Variants in STOX2 observed in about 807,000 individuals in gnomAD.
STOX2 encodes the protein storkhead box 2.
STOX2 carries 28 observed loss-of-function variants against 60.9 expected under a neutral mutation model. The observed-to-expected ratio is 0.46, with a 90% CI of 0.34 to 0.63. STOX2 has a LOEUF of 0.63. Among genes scored for constraint, STOX2 ranks in the 30% least tolerant of loss-of-function variants. STOX2 has a pLI of 0.01. For synonymous variants in STOX2, 472 were observed against 463.9 expected, an observed-to-expected ratio of 1.02 and a Z score of -0.22; for missense variants, 1,024 against 1,187.7, an observed-to-expected ratio of 0.86 and a Z score of 2.03.
intron 1 of STOX2, among the ~76,000 whole-genome samples, chr4:183,928,808 G>GA (rs1265289742): frequency 7.3e-5 from 11 of 149,840 alleles, no homozygotes; most frequent in African/African-American, 2.7e-4. Flanking sequence ...TCCATCTCAG[G>GA]AAAAAACAAA....
At chr4:183,995,953 G>C (rs1039011333) in intron 1 of STOX2, among the ~76,000 whole-genome samples, 2 of 152,054 alleles carry the variant, frequency 1.3e-5, no homozygotes, top group African/African-American at 4.8e-5. Context: ...TCATCCACCC[G>C]GCTACTCTTT....
At position 183,857,814 on chromosome 4, in the gene STOX2, G is replaced by A. The variant is rs140316296; in HGVS notation, c.364+59759G>A. Among the ~76,000 whole-genome samples, 417 of 152,128 alleles carry A rather than the reference G, an allele frequency of 2.7e-3. 1 individual carries two copies. Among genetic ancestry groups the A allele is most frequent in the African/African-American group, 9.5e-3 (393 of 41,490 alleles). On this transcript the variant is annotated intron_variant, in intron 1 of 2. Coordinates refer to the STOX2 transcript ENST00000513034. ...CCTTGTTTGCATCGATGCTGTTGGC[G>A]GCACAGCTCCCTCCCATGCCTCTGA...
In STOX2 at chr4:184,009,421, C is replaced by T. The variant is rs1337485615; in HGVS notation, c.583C>T (p.His195Tyr). ...CAGGGAAAGGACATTGCCCCGAAAC[C>T]ACTGCGACTCTTGCCACTGCTGCAG... ...CVRERTLPRN[H>Y]CDSCHCCRED... The change falls in exon 3 of 4, where the codon CAC becomes TAC. Residue 195 changes from histidine (H) to tyrosine (Y), a missense_variant. By Grantham distance (83) the His-to-Tyr change is moderately conservative (BLOSUM62 2). Coordinates refer to ENST00000308497, the MANE Select transcript of STOX2 (RefSeq NM_020225.3). The surrounding 1 kb of genome is among the most constrained non-coding windows in gnomAD (Gnocchi z 4.0). 1 of 1,613,922 alleles carries T rather than the reference C, an allele frequency of 6.2e-7. No individual in the cohort carries two copies. Among genetic ancestry groups the T allele is most frequent in the African/African-American group, 1.3e-5 (1 of 74,932 alleles).
At chr4:183,819,560 G>GAA (rs1739255808) in intron 1 of STOX2, among the ~76,000 whole-genome samples, 1 of 139,668 alleles carries the variant, frequency 7.2e-6, no homozygotes, top group African/African-American at 2.7e-5. Context: ...GGAGACTGTG[G>GAA]GGAGAGGGAG....
intron 1 of STOX2, chr4:183,798,728 G>A (rs1290564940): frequency 5.1e-6 from 5 of 985,340 alleles, no homozygotes; most frequent in Non-Finnish European, 6.0e-6. Flanking sequence ...CTCAACAAAA[G>A]AGAGCAAAAC....
upstream of STOX2, among the ~76,000 whole-genome samples, chr4:183,904,412 T>G (rs1741533911): frequency 6.6e-6 from 1 of 152,236 alleles, no homozygotes. Flanking sequence ...TTCTTAGCAG[T>G]TCTCTTACAG....
At chr4:183,837,932 G>T (rs1739755905) in intron 1 of STOX2, among the ~76,000 whole-genome samples, 1 of 151,996 alleles carries the variant, frequency 6.6e-6, no homozygotes, top group African/African-American at 2.4e-5. Context: ...TGCAGATGTG[G>T]GTGTCTGTTC....
At chr4:183,878,853 C>T (rs1740890337) in intron 1 of STOX2, among the ~76,000 whole-genome samples, 1 of 151,642 alleles carries the variant, frequency 6.6e-6, no homozygotes, top group African/African-American at 2.4e-5. Flanking sequence ...CTGAGTTTTT[C>T]TATTTTGTTT....
intron 1 of STOX2, among the ~76,000 whole-genome samples, chr4:183,943,422 G>C (rs554093068): frequency 7.4e-4 from 112 of 152,142 alleles, no homozygotes; most frequent in African/African-American, 2.4e-3. Context: ...ATTTTCCACA[G>C]AGAAACAAAA....
At chr4:183,986,218 TG>T (rs530891903) in intron 1 of STOX2, among the ~76,000 whole-genome samples, 1 of 152,240 alleles carries the variant, frequency 6.6e-6, no homozygotes, top group South Asian at 2.1e-4. Context: ...CAAACATGTA[TG>T]TTTTCATCTG....
chr4:183,802,986 G>T lies in STOX2; in HGVS notation c.364+4931G>T, dbSNP rs28382269. On this transcript the variant is annotated intron_variant, in intron 1 of 2. Transcript: ENST00000513034. ...GAGACTGGGCAATTTACAAAGGAAA[G>T]AAGTTTAATGGAGAACTCACAGTTT... is the stretch of plus-strand genomic sequence containing the variant. Among the ~76,000 whole-genome samples the T allele has an allele frequency of 8.1e-3, 1,229 of 152,316 alleles. 14 individuals are homozygous for T. The highest frequency in any genetic ancestry group is 0.028 in the African/African-American group (1,180 of 41,566).
At chr4:184,002,472 G>A (rs762663966) in intron 2 of STOX2, among the ~76,000 whole-genome samples, 2 of 152,328 alleles carry the variant, frequency 1.3e-5, no homozygotes, top group East Asian at 1.9e-4. Context: ...AAAGGCCTAC[G>A]GCAACAAGAG....
intron 1 of STOX2, among the ~76,000 whole-genome samples, chr4:183,938,669 C>CAAA (rs10577405): frequency 7.3e-5 from 6 of 82,480 alleles, no homozygotes; most frequent in South Asian, 4.1e-4. Flanking sequence ...ACTCCGTCTC[C>CAAA]AAAAAAAAAA....
chr4:183,896,406 A>C (rs192864175), intron 1 of STOX2, among the ~76,000 whole-genome samples: 1 of 152,174 alleles, frequency 6.6e-6, no homozygotes, highest in East Asian at 1.9e-4. Flanking sequence ...ATAGTGGCAC[A>C]ATCATAGCTC....
intron 1 of STOX2, among the ~76,000 whole-genome samples, chr4:183,972,975 C>T (rs1743787065): frequency 1.3e-5 from 2 of 150,820 alleles, no homozygotes; most frequent in Admixed American, 1.3e-4. Context: ...GTGGGCTCAA[C>T]AACAGAATAA....
At chr4:183,834,196 T>C (rs141548209) in intron 1 of STOX2, among the ~76,000 whole-genome samples, 13 of 152,230 alleles carry the variant, frequency 8.5e-5, no homozygotes, top group African/African-American at 3.1e-4. Context: ...CTTCCTTTTG[T>C]TTCTCTGTCA....
chr4:184,003,653 G>T (rs991469133), intron 2 of STOX2, among the ~76,000 whole-genome samples: 1 of 152,216 alleles, frequency 6.6e-6, no homozygotes, highest in Non-Finnish European at 1.5e-5. Context: ...GAACACAGCC[G>T]TGCCCATTTG....
At chr4:183,851,105 G>A (rs111205804) in intron 1 of STOX2, among the ~76,000 whole-genome samples, 71 of 46,994 alleles carry the variant, frequency 1.5e-3, no homozygotes, top group East Asian at 2.5e-3. Flanking sequence ...AAACGATGAG[G>A]GAAACGATGA....
At chr4:183,913,919 C>T (rs1022820080) in intron 1 of STOX2, among the ~76,000 whole-genome samples, 1 of 152,174 alleles carries the variant, frequency 6.6e-6, no homozygotes, top group Non-Finnish European at 1.5e-5. Flanking sequence ...TTAACTTGAT[C>T]TACTTTTGTA....
Sources: allele counts gnomAD v4.1 joint callset (sites outside exome capture counted in the v4.1 genomes callset), GRCh38; gene constraint gnomAD v4.1.1; non-coding constraint Gnocchi (gnomAD v3.1); transcripts MANE v1.5; gene names NCBI Gene and HGNC (gene_info 2026-07-23, HGNC 2026-07-21).